CNTN4: variants seen among roughly 807,000 people sequenced by gnomAD.
The protein encoded by CNTN4 is contactin 4.
Under a neutral mutation model 122.5 loss-of-function variants are expected in CNTN4, and 77 were observed. The ratio of observed to expected loss-of-function variants is 0.63; its 90% CI spans 0.52 to 0.76. The LOEUF is 0.76. Ranked by LOEUF, CNTN4 falls within the 30% of genes least tolerant of loss-of-function variation. CNTN4 has a pLI of 0.00. For missense variants in CNTN4, 1,256 were observed against 1,259.1 expected (o/e 1.00, Z 0.04); for synonymous variants, 512 against 447.0 (o/e 1.15, Z -1.83).
chr3:2,847,820 A>T (rs1212012097), intron 7 of CNTN4, among the ~76,000 whole-genome samples: 1 of 152,122 alleles, frequency 6.6e-6, no homozygotes. Flanking sequence ...CTCTTAGGGA[A>T]TGCCAGTCTG....
intron 2 of CNTN4, among the ~76,000 whole-genome samples, chr3:2,198,456 A>C (rs931970029): frequency 6.6e-6 from 1 of 152,132 alleles, no homozygotes; most frequent in Non-Finnish European, 1.5e-5. Context: ...CTTTACAGTA[A>C]TTTTACTTAT....
intron 21 of CNTN4, among the ~76,000 whole-genome samples, 176 bp downstream of exon 21, chr3:3,042,598 T>C (rs946820962): frequency 1.3e-5 from 2 of 152,210 alleles, no homozygotes; most frequent in Non-Finnish European, 2.9e-5. Flanking sequence ...GAGACTACCC[T>C]TTTTCTATGT....
chr3:2,180,978 G>T (rs1335672627), intron 2 of CNTN4, among the ~76,000 whole-genome samples: 1 of 152,064 alleles, frequency 6.6e-6, no homozygotes, highest in African/African-American at 2.4e-5. Flanking sequence ...CTCATGATTA[G>T]ACTGGATTCA....
chr3:2,809,997 C>A (rs2092565821), intron 6 of CNTN4, among the ~76,000 whole-genome samples: 1 of 152,164 alleles, frequency 6.6e-6, no homozygotes, highest in Admixed American at 6.5e-5. Context: ...CGTTTATTTT[C>A]TGTAAAGTCA....
chr3:2,504,710 T>C (rs1010669172), intron 3 of CNTN4, among the ~76,000 whole-genome samples: 1 of 152,140 alleles, frequency 6.6e-6, no homozygotes, highest in Non-Finnish European at 1.5e-5. Context: ...AGAGAAATAT[T>C]GTGATCAAAC....
chr3:2,468,923 T>C (rs771940421), intron 3 of CNTN4, among the ~76,000 whole-genome samples: 2 of 152,190 alleles, frequency 1.3e-5, no homozygotes, highest in Admixed American at 6.5e-5. Context: ...TGTAAGACTT[T>C]CCTTGTAGCT....
chr3:2,884,301 A>G (rs545685065), intron 9 of CNTN4, among the ~76,000 whole-genome samples: 1 of 152,252 alleles, frequency 6.6e-6, no homozygotes, highest in East Asian at 1.9e-4. Flanking sequence ...TTTGTGTTTT[A>G]CAGCAATCAT....
chr3:2,122,086 C>T (rs942042207), intron 2 of CNTN4, among the ~76,000 whole-genome samples: 8 of 150,374 alleles, frequency 5.3e-5, no homozygotes, highest in East Asian at 3.9e-4. Context: ...ACCCGGGAGG[C>T]GGAGCTTGCA....
chr3:3,008,885 G>T, intron 14 of CNTN4: 1 of 926,964 alleles, frequency 1.1e-6, no homozygotes, highest in Non-Finnish European at 1.3e-6. Flanking sequence ...CATTGTCCTC[G>T]GCATTCTAGG....
At chr3:2,964,990 C>G (rs906339084) in intron 13 of CNTN4, among the ~76,000 whole-genome samples, 6 of 152,188 alleles carry the variant, frequency 3.9e-5, no homozygotes, top group Non-Finnish European at 7.3e-5. Flanking sequence ...AGAAAAAGAT[C>G]TTACCAGGTT....
chr3:2,364,455 G>GA (rs2045292006), intron 3 of CNTN4, among the ~76,000 whole-genome samples: 1 of 152,008 alleles, frequency 6.6e-6, no homozygotes, highest in Admixed American at 6.6e-5. Flanking sequence ...GGTCCTACTG[G>GA]AATCTTTGGA....
rs141626341 is a variant in CNTN4 at position 2,122,144 on chromosome 3, C to T, written c.-145+21505C>T. 7.7e-4 allele frequency among the ~76,000 whole-genome samples: 114 copies of T among 147,754 alleles called. 1 individual carries two copies. Among genetic ancestry groups the T allele is most frequent in the Non-Finnish European group, 1.1e-3 (74 of 67,116 alleles). On this transcript the variant is annotated intron_variant, in intron 2 of 24. Coordinates refer to ENST00000418658, the MANE Select transcript of CNTN4 (RefSeq NM_175607.3). ...CACTCCAGCCTGGGCGACAGAGCGACACTCCATCTCAAAAAAAAAAAAAAA... is the reference window on the plus strand; with the variant it reads ...CACTCCAGCCTGGGCGACAGAGCGATACTCCATCTCAAAAAAAAAAAAAAA...
At chr3:2,200,952 A>G (rs2038069974) in intron 2 of CNTN4, among the ~76,000 whole-genome samples, 1 of 152,170 alleles carries the variant, frequency 6.6e-6, no homozygotes, top group African/African-American at 2.4e-5. Context: ...ATTCACTAGA[A>G]ATGAGTTTTA....
intron 2 of CNTN4, among the ~76,000 whole-genome samples, chr3:2,244,629 G>A (rs921113386): frequency 1.1e-4 from 16 of 151,938 alleles, no homozygotes; most frequent in Non-Finnish European, 8.8e-5. Context: ...AACTGTTACT[G>A]CTAGAAAATT....
At chr3:2,472,933 T>C (rs1015316962) in intron 3 of CNTN4, among the ~76,000 whole-genome samples, 2 of 152,098 alleles carry the variant, frequency 1.3e-5, no homozygotes, top group African/African-American at 2.4e-5. Flanking sequence ...TTAAATTGAA[T>C]TGAAAGACTA....
intron 23 of CNTN4, among the ~76,000 whole-genome samples, chr3:3,049,117 C>T (rs764001225): frequency 3.3e-5 from 5 of 152,228 alleles, no homozygotes; most frequent in Non-Finnish European, 2.9e-5. Flanking sequence ...GAGTCTCCCT[C>T]TGTCACGCAA....
intron 2 of CNTN4, among the ~76,000 whole-genome samples, chr3:2,291,535 T>C (rs911761105): frequency 6.6e-6 from 1 of 152,146 alleles, no homozygotes; most frequent in Non-Finnish European, 1.5e-5. Flanking sequence ...TTGATGATTA[T>C]TGAATGCATG....
In CNTN4 at chr3:2,382,262, C is replaced by T. The variant is rs572743059; in HGVS notation, c.-89+43029C>T. 5.6e-4 allele frequency among the ~76,000 whole-genome samples: 85 copies of T among 151,808 alleles called. 1 individual carries two copies. The highest frequency in any genetic ancestry group is 8.1e-4 in the Non-Finnish European group (55 of 67,924). On this transcript the variant is annotated intron_variant, in intron 3 of 24. Coordinates refer to ENST00000418658, the MANE Select transcript of CNTN4 (RefSeq NM_175607.3). ...TCAGCTCACTGCAACCTCTGCCCCC[C>T]GGGTTCAAGCGATTCTCCTGCCTCA...
chr3:2,495,638 A>G (rs1253841012), intron 3 of CNTN4, among the ~76,000 whole-genome samples: 1 of 152,170 alleles, frequency 6.6e-6, no homozygotes, highest in African/African-American at 2.4e-5. Context: ...TTAGATTCTC[A>G]TGGGAGTGCG....
Sources: gnomAD v4.1 joint callset for allele counts (sites outside exome capture counted in the v4.1 genomes callset) on GRCh38, gnomAD v4.1.1 for gene constraint, MANE v1.5 for transcripts, NCBI Gene and HGNC (gene_info 2026-07-23, HGNC 2026-07-21) for gene names.